Variants in TRIO observed in about 807,000 individuals in gnomAD.
TRIO encodes triple functional domain protein.
In TRIO, 58 loss-of-function variants were observed where a neutral mutation model predicts 351.9. The ratio of observed to expected loss-of-function variants is 0.16; its 90% CI spans 0.13 to 0.21. TRIO has a LOEUF of 0.21. Ranked by LOEUF, TRIO falls within the 10% of genes least tolerant of loss-of-function variation. The pLI, the probability that TRIO is intolerant of heterozygous loss-of-function variation, is 1.00. For missense variants in TRIO, 3,201 were observed against 4,027.8 expected, an observed-to-expected ratio of 0.79 and a Z score of 5.56; for synonymous variants, 1,758 against 1,595.7, an observed-to-expected ratio of 1.10 and a Z score of -2.42.
intron 34 of TRIO, among the ~76,000 whole-genome samples, chr5:14,425,344 A>G (rs904571020): frequency 1.3e-5 from 2 of 152,058 alleles, no homozygotes; most frequent in African/African-American, 4.8e-5. Flanking sequence ...GGGACTGTTT[A>G]TTTCTTGTAG....
chr5:14,287,071 C>T lies in TRIO; in HGVS notation c.540+8C>T, dbSNP rs755877202. 3.1e-6 allele frequency: 5 copies of T among 1,613,270 alleles called. No homozygotes were observed. The highest frequency in any genetic ancestry group is 3.4e-6 in the Non-Finnish European group (4 of 1,179,480). Reference sequence around the variant, plus strand: ...TCTAAATTTGAATTTGAGGTAACTTCCCCCGTGTGGCTAGACCCACTAAAC... The same window carrying T: ...TCTAAATTTGAATTTGAGGTAACTTTCCCCGTGTGGCTAGACCCACTAAAC... On this transcript the variant is annotated splice_region_variant and intron_variant, in intron 4 of 56. Coordinates refer to ENST00000344204, the MANE Select transcript of TRIO (RefSeq NM_007118.4).
rs1384862312 is a variant in TRIO at position 14,215,337 on chromosome 5, T to A, written c.158-55488T>A. 2.0e-5 allele frequency among the ~76,000 whole-genome samples: 3 copies of A among 152,248 alleles called. No individual in the cohort carries two copies. The East Asian group carries it at 5.8e-4, about 29-fold the overall frequency. On this transcript the variant is annotated intron_variant, in intron 1 of 56. Transcript: ENST00000344204. Reference sequence around the variant, plus strand: ...TTGTAGTGACTTTGTTATTCGTGTCTGCCAATGCACACTGTTAGTGTTTAT... The same window carrying A: ...TTGTAGTGACTTTGTTATTCGTGTCAGCCAATGCACACTGTTAGTGTTTAT...
At chr5:14,225,468 G>T (rs1258360541) in intron 1 of TRIO, among the ~76,000 whole-genome samples, 1 of 152,092 alleles carries the variant, frequency 6.6e-6, no homozygotes, top group Admixed American at 6.5e-5. Context: ...TGAAGCTTGG[G>T]GTCCTGTTCA....
chr5:14,325,985 A>G (rs2152312485), intron 9 of TRIO, among the ~76,000 whole-genome samples: 1 of 152,346 alleles, frequency 6.6e-6, no homozygotes, highest in East Asian at 1.9e-4. Context: ...ATTCTGAAAC[A>G]AAAGCAGAGG....
intron 1 of TRIO, among the ~76,000 whole-genome samples, chr5:14,268,233 A>G (rs1304051859): frequency 6.6e-6 from 1 of 152,204 alleles, no homozygotes; most frequent in Non-Finnish European, 1.5e-5. Flanking sequence ...TCTGCACCCT[A>G]CTTTCAAATC....
At chr5:14,311,774 A>G (rs1738953496) in intron 8 of TRIO, among the ~76,000 whole-genome samples, 1 of 152,208 alleles carries the variant, frequency 6.6e-6, no homozygotes, top group African/African-American at 2.4e-5. Context: ...GCTAAGCCTG[A>G]AAAAGAATTA....
At position 14,502,281 on chromosome 5, in the gene TRIO, T is replaced by C. The variant is rs3747698; in HGVS notation, c.8333-298T>C. ...AGTAAACACATTTTAAAAATAAAAG[T>C]AAAAGCAGTTTTTACTAACATGTAT... On this transcript the variant is annotated intron_variant, in intron 53 of 56. Coordinates refer to ENST00000344204, the MANE Select transcript of TRIO (RefSeq NM_007118.4). 0.3 allele frequency among the ~76,000 whole-genome samples: 45,044 copies of C among 152,142 alleles called. 7,011 individuals carry two copies. The highest frequency in any genetic ancestry group is 0.42 in the Middle Eastern group (124 of 294).
In TRIO at chr5:14,435,216, A is replaced by G. The variant is rs370841795; in HGVS notation, c.5203+15195A>G. 4.6e-5 allele frequency among the ~76,000 whole-genome samples: 7 copies of G among 152,296 alleles called. No homozygotes were observed. In the East Asian group the frequency reaches 1.2e-3, roughly 25 times the overall value. ...AGGGTTTTATTGGGTGAAAAGGGAA[A>G]AAAAGGGGGAAAGAAGGATCCTCCA... On this transcript the variant is annotated intron_variant, in intron 34 of 56. Transcript: ENST00000344204.
chr5:14,302,314 G>GT, intron 7 of TRIO, among the ~76,000 whole-genome samples: 1 of 152,300 alleles, frequency 6.6e-6, no homozygotes, highest in East Asian at 1.9e-4. Context: ...ACTCCTCTTG[G>GT]TTTTGGGTGT....
At chr5:14,358,021 T>C (rs1743789940) in intron 11 of TRIO, among the ~76,000 whole-genome samples, 157 bp from the exon 12 acceptor site, 1 of 152,098 alleles carries the variant, frequency 6.6e-6, no homozygotes, top group African/African-American at 2.4e-5. Context: ...TGCCCCTCCC[T>C]CCCGTCCTTC....
chr5:14,403,628 G>A (rs1748392950), intron 31 of TRIO, among the ~76,000 whole-genome samples: 1 of 127,176 alleles, frequency 7.9e-6, no homozygotes, highest in East Asian at 2.5e-4. Flanking sequence ...GGTGTAGGTT[G>A]TGGTGGTGAG....
chr5:14,314,212 A>G (rs1352533807), intron 8 of TRIO, among the ~76,000 whole-genome samples: 2 of 152,244 alleles, frequency 1.3e-5, no homozygotes, highest in Non-Finnish European at 1.5e-5. Context: ...TCCTGAACTA[A>G]AATGCATACG....
chr5:14,158,407 GAGTGAGAC>G (rs1788243051), intron 1 of TRIO, among the ~76,000 whole-genome samples: 1 of 150,966 alleles, frequency 6.6e-6, no homozygotes, highest in Admixed American at 6.6e-5. Flanking sequence ...CCTGGCGGCA[GAGTGAGAC>G]TCCGCCTCAA....
At chr5:14,147,858 G>A (rs1424925662) in intron 1 of TRIO, among the ~76,000 whole-genome samples, 3 of 152,168 alleles carry the variant, frequency 2.0e-5, no homozygotes, top group African/African-American at 7.2e-5. Flanking sequence ...AATAATGATT[G>A]TATTACAAAG....
At chr5:14,413,879 G>GT (rs1749412295) in intron 33 of TRIO, among the ~76,000 whole-genome samples, 2 of 152,210 alleles carry the variant, frequency 1.3e-5, no homozygotes, top group African/African-American at 4.8e-5. Flanking sequence ...CTCGAAGCAG[G>GT]TATTTATTCT....
chr5:14,458,008 G>A (rs998171833), intron 34 of TRIO, among the ~76,000 whole-genome samples: 3 of 150,572 alleles, frequency 2.0e-5, no homozygotes, highest in Admixed American at 6.6e-5. Context: ...ACCTGTACTT[G>A]ATTTCATTTT....
At chr5:14,387,267 G>A (rs1462553983) in intron 21 of TRIO, 171 bp from the exon 22 acceptor site, 1 of 576,582 alleles carries the variant, frequency 1.7e-6, no homozygotes, top group Non-Finnish European at 3.1e-6. Context: ...GAGATAGCTG[G>A]TCAGGAATCC....
rs753023352 is a variant in TRIO, at chr5:14,488,274, G to C, written c.7632+14G>C. On this transcript the variant is annotated intron_variant, in intron 48 of 56. Transcript: ENST00000344204. ...CAGAGCAACGGGGTAAGCGCGTCGG[G>C]GGGCCCGCGCCCTCCCGCCCCCCTG... 10 of 1,543,384 alleles carry C rather than the reference G, an allele frequency of 6.5e-6. No individual in the cohort carries two copies. In the East Asian group the frequency reaches 2.4e-4, roughly 37 times the overall value.
Position 14,390,319 on chromosome 5 carries a change from T to C in TRIO, c.4128+19T>C, listed in dbSNP as rs761629998. The stretch of plus-strand genomic sequence containing the variant: ...TACTTGGGTAATGAAACCTCAACCA[T>C]TTGTTCTCTCCCAGCTATTAGGTGA... On this transcript the variant is annotated intron_variant, in intron 26 of 56. Coordinates refer to ENST00000344204, the MANE Select transcript of TRIO (RefSeq NM_007118.4). 1 of 1,612,558 alleles carries C rather than the reference T, an allele frequency of 6.2e-7. No individual in the cohort carries two copies. The highest frequency in any genetic ancestry group is 1.1e-5 in the South Asian group (1 of 90,780).
Sources: gnomAD v4.1 joint callset for allele counts (sites outside exome capture counted in the v4.1 genomes callset) on GRCh38, gnomAD v4.1.1 for gene constraint, MANE v1.5 for transcripts, NCBI Gene and HGNC (gene_info 2026-07-23, HGNC 2026-07-21) for gene names.